The following DYNC2H1 variants were observed in gnomAD, a reference collection of about 807,000 sequenced individuals.
DYNC2H1 encodes the protein cytoplasmic dynein 2 heavy chain 1.
DYNC2H1 carries 410 observed loss-of-function variants against 570.0 expected under a neutral mutation model. That is an observed-to-expected ratio of 0.72 (90% CI 0.66 to 0.78). The LOEUF is 0.78. DYNC2H1 is among the 30% of genes least tolerant of loss of function. DYNC2H1 has a pLI of 0.00. For missense variants in DYNC2H1, 4,865 were observed against 5,046.4 expected (o/e 0.96, Z 1.09); for synonymous variants, 1,688 against 1,677.6 (o/e 1.01, Z -0.15).
At chr11:103,427,991 A>AAT (rs1016422744) in intron 84 of DYNC2H1, among the ~76,000 whole-genome samples, 2 of 151,294 alleles carry the variant, frequency 1.3e-5, no homozygotes, top group African/African-American at 2.4e-5. Context: ...AGCATACGGA[A>AAT]ATATATATAT....
chr11:103,274,147 T>TAC (rs1466461937), intron 70 of DYNC2H1, among the ~76,000 whole-genome samples: 1 of 148,336 alleles, frequency 6.7e-6, no homozygotes, highest in Non-Finnish European at 1.5e-5. Flanking sequence ...TATATATATA[T>TAC]ACACACACAT....
chr11:103,132,595 A>G (rs1859332969), intron 13 of DYNC2H1, among the ~76,000 whole-genome samples: 1 of 151,854 alleles, frequency 6.6e-6, no homozygotes. Context: ...GATGCACTGT[A>G]TAATATTTAA....
chr11:103,237,301 A>G (rs1331120958), intron 63 of DYNC2H1, among the ~76,000 whole-genome samples: 1 of 151,890 alleles, frequency 6.6e-6, no homozygotes, highest in Non-Finnish European at 1.5e-5. Flanking sequence ...CTTATTTTTT[A>G]ACTCCATAGT....
At chr11:103,141,711 G>C (rs1859945711) in intron 17 of DYNC2H1, among the ~76,000 whole-genome samples, 1 of 152,192 alleles carries the variant, frequency 6.6e-6, no homozygotes, top group Admixed American at 6.5e-5. Flanking sequence ...ATCTCCAGCT[G>C]CATGCTGGGA....
chr11:103,223,828 ACCTCCG>A (rs1863695373), intron 59 of DYNC2H1, among the ~76,000 whole-genome samples: 1 of 148,648 alleles, frequency 6.7e-6, no homozygotes, highest in Admixed American at 6.7e-5. Context: ...GCTTACTTCA[ACCTCCG>A]CCTCCCGGGT....
intron 82 of DYNC2H1, among the ~76,000 whole-genome samples, chr11:103,328,712 G>C (rs1330235849): frequency 2.0e-5 from 3 of 152,160 alleles, no homozygotes; most frequent in African/African-American, 2.4e-5. Context: ...TTATACTTAT[G>C]TACAGATGCT....
chr11:103,275,947 T>C lies in DYNC2H1; in HGVS notation c.10696-4401T>C, dbSNP rs1004020918. On this transcript the variant is annotated intron_variant, in intron 70 of 88. Transcript: ENST00000375735. The surrounding 1 kb of genome is among the most constrained non-coding windows in gnomAD (Gnocchi z 4.8). Reference sequence around the variant, plus strand: ...TTTTGTAAGAAACCGCTAACCTGCCTTCCAAAGTGGCTGTACCCTTTTGCA... The same window carrying C: ...TTTTGTAAGAAACCGCTAACCTGCCCTCCAAAGTGGCTGTACCCTTTTGCA... Among the ~76,000 whole-genome samples, 3 of 152,328 alleles carry C rather than the reference T, an allele frequency of 2.0e-5. No individual in the cohort carries two copies. Among genetic ancestry groups the C allele is most frequent in the South Asian group, 2.1e-4 (1 of 4,826 alleles).
chr11:103,142,043 T>C (rs1168568193), intron 17 of DYNC2H1, among the ~76,000 whole-genome samples: 1 of 152,160 alleles, frequency 6.6e-6, no homozygotes, highest in African/African-American at 2.4e-5. Context: ...TGGTGTGCCA[T>C]TTTTGAGGCC....
chr11:103,414,534 G>A (rs756314842), intron 84 of DYNC2H1, among the ~76,000 whole-genome samples: 3 of 152,106 alleles, frequency 2.0e-5, no homozygotes, highest in Non-Finnish European at 4.4e-5. Context: ...CAGAAGAATT[G>A]TTTGAACCCA....
chr11:103,425,542 C>T (rs1232532940), intron 84 of DYNC2H1, among the ~76,000 whole-genome samples: 4 of 152,010 alleles, frequency 2.6e-5, no homozygotes, highest in Non-Finnish European at 5.9e-5. Flanking sequence ...GTCCCACCTC[C>T]AAATACCATT....
At chr11:103,235,620 A>G (rs778721584) in intron 61 of DYNC2H1, 52 bp from the exon 62 acceptor site, 4 of 1,493,772 alleles carry the variant, frequency 2.7e-6, no homozygotes, top group Non-Finnish European at 3.6e-6. Flanking sequence ...ATTTTCTTTA[A>G]TGTTAGAACA....
In DYNC2H1 at chr11:103,439,780, C is replaced by CTGAA. The variant is rs1944199482; in HGVS notation, c.12456+3761_12456+3764dup. ...ATTTCCAATACCTATATACTGTCTG[C>CTGAA]TGAATGAATGAATGAACAAAGGAAT... On this transcript the variant is annotated intron_variant, in intron 85 of 88. Transcript: ENST00000375735. This position sits in a 1 kb window ranked among gnomAD's most constrained non-coding sequence, Gnocchi z 4.1. Among the ~76,000 whole-genome samples, 1 of 152,140 alleles carries CTGAA rather than the reference C, an allele frequency of 6.6e-6. No homozygotes were observed. Among genetic ancestry groups the CTGAA allele is most frequent in the African/African-American group, 2.4e-5 (1 of 41,504 alleles).
intron 85 of DYNC2H1, among the ~76,000 whole-genome samples, chr11:103,454,212 A>G (rs551280430): frequency 6.6e-6 from 1 of 152,266 alleles, no homozygotes; most frequent in South Asian, 2.1e-4. Context: ...GTAATAAATT[A>G]AATGAACACA....
At chr11:103,404,761 A>G (rs1199398177) in intron 84 of DYNC2H1, 1 of 151,754 alleles carries the variant, frequency 6.6e-6, no homozygotes, top group Non-Finnish European at 1.5e-5. Context: ...GATAATGTCT[A>G]GTGATGAATT....
At chr11:103,166,624 T>A (rs1389523263) in intron 31 of DYNC2H1, among the ~76,000 whole-genome samples, 1 of 152,218 alleles carries the variant, frequency 6.6e-6, no homozygotes, top group Non-Finnish European at 1.5e-5. Flanking sequence ...TTCTTTTCTT[T>A]TAGCATTTAA....
rs756825416 is a variant in DYNC2H1, at chr11:103,159,011, G to C, written c.4362G>C (p.Leu1454=). 1.2e-6 allele frequency: 2 copies of C among 1,612,254 alleles called. No individual in the cohort carries two copies. Among genetic ancestry groups the C allele is most frequent in the East Asian group, 2.2e-5 (1 of 44,816 alleles). Residue 1454 remains leucine, a synonymous_variant, in exon 28 of 89, where the codon CTG becomes CTC. Transcript: ENST00000375735. ...STNPSVIQSH[L]KKLFAGINSV... is the part of the protein sequence containing the mutation. ...ACCCATCAGTGATTCAGTCTCACCT[G>C]AAGAAGCTTTTTGCTGGTAGGATTC...
chr11:103,233,413 T>C (rs1864089099), intron 60 of DYNC2H1, among the ~76,000 whole-genome samples: 1 of 151,886 alleles, frequency 6.6e-6, no homozygotes, highest in Non-Finnish European at 1.5e-5. Context: ...ATCACACACA[T>C]ATTTTTCAAG....
At chr11:103,466,829 T>C (rs571830749) in intron 87 of DYNC2H1, among the ~76,000 whole-genome samples, 73 of 152,218 alleles carry the variant, frequency 4.8e-4, no homozygotes, top group African/African-American at 1.7e-3. Context: ...ATTGATAGAG[T>C]TACTTTGGGG....
chr11:103,112,507 A>G (rs1382205030), intron 1 of DYNC2H1, among the ~76,000 whole-genome samples: 6 of 152,220 alleles, frequency 3.9e-5, no homozygotes, highest in African/African-American at 9.6e-5. Context: ...GAAAGCAGAC[A>G]TGTAATACTT....
Sources: gnomAD v4.1 joint callset for allele counts (sites outside exome capture counted in the v4.1 genomes callset) on GRCh38, gnomAD v4.1.1 for gene constraint, Gnocchi (gnomAD v3.1) non-coding constraint, MANE v1.5 for transcripts, NCBI Gene and HGNC (gene_info 2026-07-23, HGNC 2026-07-21) for gene names.